The following ZNF638 variants were observed in gnomAD, a reference collection of about 807,000 sequenced individuals.
ZNF638 encodes the protein CTCL tumor antigen se33-1.
In ZNF638, 46 loss-of-function variants were observed where a neutral mutation model predicts 195.6. The ratio of observed to expected loss-of-function variants is 0.24; its 90% CI spans 0.19 to 0.30. The LOEUF (loss-of-function observed/expected upper bound fraction) is 0.30, where lower values mean the gene tolerates loss of function less well. Among genes scored for constraint, ZNF638 ranks in the 10% least tolerant of loss-of-function variants. ZNF638 has a pLI of 1.00. For missense variants in ZNF638, 2,440 were observed against 2,325.3 expected (o/e 1.05, Z -1.01); for synonymous variants, 845 against 772.0 (o/e 1.09, Z -1.57).
intron 10 of ZNF638, among the ~76,000 whole-genome samples, chr2:71,393,231 T>G (rs1271294211): frequency 6.6e-6 from 1 of 152,226 alleles, no homozygotes; most frequent in Admixed American, 6.5e-5. Context: ...TTCTAAAATT[T>G]AAATGATAAA....
rs3077439 is a variant in ZNF638, at chr2:71,367,431, ATTTTTT to A, written c.1996-936_1996-931del. Among the ~76,000 whole-genome samples the A allele has an allele frequency of 3.4e-3, 384 of 112,712 alleles. 1 individual carries two copies. Among genetic ancestry groups the A allele is most frequent in the African/African-American group, 0.012 (335 of 28,822 alleles). The allele number at this position is 112,712 out of a possible 152,430, so 73.9% of individuals were successfully genotyped here. A position where few individuals can be genotyped will look rare whatever the true frequency, so the allele number is the denominator to read the frequency against. The stretch of plus-strand genomic sequence containing the variant: ...CCAACACACCCAGCTGGGTGTTTTA[ATTTTTT>A]TTTTTTTTTTTTTTGAATCAGAGTC... On this transcript the variant is annotated intron_variant, in intron 6 of 27. Transcript: ENST00000264447.
chr2:71,414,015 C>T (rs1344106175), intron 20 of ZNF638, among the ~76,000 whole-genome samples: 1 of 122,314 alleles, frequency 8.2e-6, no homozygotes, highest in Non-Finnish European at 1.7e-5. Flanking sequence ...GGAGGATTCC[C>T]TCTTTTTCTG....
At chr2:71,344,484 G>C (rs1403243718) in intron 1 of ZNF638, among the ~76,000 whole-genome samples, 3 of 151,326 alleles carry the variant, frequency 2.0e-5, no homozygotes, top group African/African-American at 7.3e-5. Flanking sequence ...TTAAAAAGTA[G>C]AGTGTTAGCT....
At position 71,363,185 on chromosome 2, in the gene ZNF638, C is replaced by A; in HGVS notation, c.1412C>A (p.Ser471Ter). 1 of 1,587,724 alleles carries A rather than the reference C, an allele frequency of 6.3e-7. No homozygotes were observed. Among genetic ancestry groups the A allele is most frequent in the Non-Finnish European group, 8.6e-7 (1 of 1,164,464 alleles). ...GATTGGAATCCTGAGATCCTCCCAT[C>A]GAGAAGGTAATTTTTAAAAATAGTA... ...YPDWNPEILPSRRNEGNRKEN... is the reference protein window; with the variant it reads ...YPDWNPEILP Residue 471 changes from serine (S) to a stop codon, truncating the protein, a stop_gained, in exon 4 of 28, where the codon TCG (serine) becomes TAG (stop). Coordinates refer to ENST00000264447, the MANE Select transcript of ZNF638 (RefSeq NM_014497.5). LOFTEE classifies it high-confidence loss of function.
chr2:71,369,387 C>A (rs904700135), intron 7 of ZNF638, among the ~76,000 whole-genome samples: 6 of 151,494 alleles, frequency 4.0e-5, no homozygotes, highest in African/African-American at 1.5e-4. Flanking sequence ...GTCTGTAATC[C>A]CAGTACTTTG....
intron 10 of ZNF638, chr2:71,388,574 A>T (rs753469207): frequency 2.6e-6 from 2 of 761,532 alleles, no homozygotes; most frequent in Non-Finnish European, 4.9e-6. Context: ...AGCTGCGCTC[A>T]CGCAAAATAC....
At chr2:71,333,331 T>C (rs1186793385) in intron 1 of ZNF638, among the ~76,000 whole-genome samples, 1 of 152,238 alleles carries the variant, frequency 6.6e-6, no homozygotes, top group African/African-American at 2.4e-5. Context: ...TTTATTTGTC[T>C]TGGAACCAAG....
Position 71,428,532 on chromosome 2 carries a change from A to C in ZNF638, c.5546-15A>C, listed in dbSNP as rs767688534. 1 of 1,598,758 alleles carries C rather than the reference A, an allele frequency of 6.3e-7. No homozygotes were observed. The highest frequency in any genetic ancestry group is 1.1e-5 in the South Asian group (1 of 90,266). ...ACTGTTACTAGAGCAATAAATTAGG[A>C]CTTTCTTTTTAAAGCTAAAACTCCA... On this transcript the variant is annotated splice_polypyrimidine_tract_variant and intron_variant, in intron 24 of 27. Transcript: ENST00000264447.
At chr2:71,411,474 A>ATTTTTTTTT (rs537942317) in intron 20 of ZNF638, among the ~76,000 whole-genome samples, 3 of 122,764 alleles carry the variant, frequency 2.4e-5, no homozygotes, top group Non-Finnish European at 3.4e-5. Context: ...TTTATTTTTA[A>ATTTTTTTTT]TTTTTTTTTT....
chr2:71,367,751 T>A (rs60782768), intron 6 of ZNF638, among the ~76,000 whole-genome samples: 31,624 of 149,366 alleles, frequency 0.21, 4,445 homozygotes, highest in African/African-American at 0.39. Context: ...TTTTTTTTTT[T>A]AAAAATATAG....
At chr2:71,385,371 C>T (rs374523831) in intron 10 of ZNF638, among the ~76,000 whole-genome samples, 1 of 152,130 alleles carries the variant, frequency 6.6e-6, no homozygotes, top group East Asian at 1.9e-4. Flanking sequence ...TTGCCCCAAA[C>T]TGGAAACAAC....
rs2079517342 is a variant in ZNF638, at chr2:71,380,509, A to G, written c.2325-4A>G. 1.9e-6 allele frequency: 3 copies of G among 1,598,922 alleles called. No homozygotes were observed. The highest frequency in any genetic ancestry group is 1.1e-5 in the South Asian group (1 of 87,226). ...GCTGCTAAATTTTTTCTCCTTTTAA[A>G]TAGAAGAGATGCAGATGCTTCAAAA... On this transcript the variant is annotated splice_polypyrimidine_tract_variant and splice_region_variant and intron_variant, in intron 9 of 27. Transcript: ENST00000264447.
intron 27 of ZNF638, 83 bp downstream of exon 27, chr2:71,433,366 C>G (rs1425590254): frequency 2.1e-6 from 2 of 956,380 alleles, no homozygotes; most frequent in African/African-American, 3.9e-5. Flanking sequence ...ACGTACATTT[C>G]CCCCCGCTTT....
intron 10 of ZNF638, among the ~76,000 whole-genome samples, chr2:71,387,200 G>C (rs1052049308): frequency 6.6e-6 from 1 of 151,982 alleles, no homozygotes; most frequent in East Asian, 1.9e-4. Flanking sequence ...TACAAAGTTC[G>C]AAGATTTAGA....
chr2:71,389,474 T>C lies in ZNF638; in HGVS notation c.2378-6667T>C, dbSNP rs542587868. ...TGGTCAGTGCTAGCTAAAACAACTT[T>C]AGAGCCCAGTCAGTACCTCCTCTGG... On this transcript the variant is annotated intron_variant, in intron 10 of 27. Transcript: ENST00000264447. Among the ~76,000 whole-genome samples, 110 of 152,280 alleles carry C rather than the reference T, an allele frequency of 7.2e-4. 1 individual carries two copies. Among genetic ancestry groups the C allele is most frequent in the African/African-American group, 2.6e-3 (108 of 41,556 alleles).
intron 3 of ZNF638, among the ~76,000 whole-genome samples, chr2:71,357,295 C>G (rs2079039417): frequency 6.6e-6 from 1 of 151,992 alleles, no homozygotes; most frequent in Non-Finnish European, 1.5e-5. Flanking sequence ...TATGTCTGCT[C>G]CGGGTGTTGA....
chr2:71,424,578 G>GTT, intron 22 of ZNF638, 72 bp from the exon 23 acceptor site: 15 of 1,225,798 alleles, frequency 1.2e-5, no homozygotes, highest in Middle Eastern at 2.6e-4. Context: ...TTTGTTTTTT[G>GTT]TTTTTTTTTC....
intron 23 of ZNF638, among the ~76,000 whole-genome samples, chr2:71,425,218 G>A (rs2080514340): frequency 6.6e-6 from 1 of 152,098 alleles, no homozygotes; most frequent in African/African-American, 2.4e-5. Context: ...ACCATTCATA[G>A]AATTTTTTTC....
intron 10 of ZNF638, chr2:71,395,247 G>A (rs1291728255): frequency 4.2e-6 from 3 of 717,268 alleles, no homozygotes; most frequent in Non-Finnish European, 7.8e-6. Flanking sequence ...CTAATTCTAG[G>A]ATGCAAAGCC....
Sources: gnomAD v4.1 joint callset for allele counts (sites outside exome capture counted in the v4.1 genomes callset) on GRCh38, gnomAD v4.1.1 for gene constraint, MANE v1.5 for transcripts, NCBI Gene and HGNC (gene_info 2026-07-23, HGNC 2026-07-21) for gene names.